Variants in PHLPP1 observed in about 807,000 individuals in gnomAD.
PHLPP1 encodes the protein PH domain leucine-rich repeat-containing protein phosphatase 1.
Under a neutral mutation model 117.2 loss-of-function variants are expected in PHLPP1, and 42 were observed. The ratio of observed to expected loss-of-function variants is 0.36; its 90% confidence interval spans 0.28 to 0.46. The LOEUF (loss-of-function observed/expected upper bound fraction) is 0.46, where lower values mean the gene tolerates loss of function less well. Ranked by LOEUF, PHLPP1 falls within the 20% of genes least tolerant of loss-of-function variation. PHLPP1 has a pLI of 1.00. For synonymous variants in PHLPP1, 1,042 were observed against 970.7 expected (o/e 1.07, Z -1.37); for missense variants, 2,084 against 2,241.9 (o/e 0.93, Z 1.42).
intron 4 of PHLPP1, among the ~76,000 whole-genome samples, chr18:62,887,190 AGAG>A (rs1256150078): frequency 2.0e-5 from 3 of 152,214 alleles, no homozygotes; most frequent in African/African-American, 7.2e-5. Context: ...GTTTAATAAA[AGAG>A]GAGGAGGAGA....
chr18:62,966,346 G>A (rs916135062), intron 14 of PHLPP1, among the ~76,000 whole-genome samples: 2 of 151,526 alleles, frequency 1.3e-5, no homozygotes, highest in African/African-American at 2.4e-5. Flanking sequence ...TATATATCTG[G>A]TATGTAGCCA....
chr18:62,800,071 C>G (rs1003684243), intron 1 of PHLPP1, among the ~76,000 whole-genome samples: 1 of 152,168 alleles, frequency 6.6e-6, no homozygotes, highest in Non-Finnish European at 1.5e-5. Flanking sequence ...GACCCTTTAG[C>G]TAGAGCTGAC....
At chr18:62,800,105 C>T (rs1005794614) in intron 1 of PHLPP1, among the ~76,000 whole-genome samples, 1 of 152,196 alleles carries the variant, frequency 6.6e-6, no homozygotes, top group South Asian at 2.1e-4. Context: ...AACTTCAGAC[C>T]AGGGCACGGC....
At chr18:62,776,966 G>A (rs1912979526) in intron 1 of PHLPP1, among the ~76,000 whole-genome samples, 2 of 152,168 alleles carry the variant, frequency 1.3e-5, no homozygotes, top group East Asian at 1.9e-4. Flanking sequence ...TTCTCCTATT[G>A]ATGGACACTT....
chr18:62,850,033 A>G (rs1214456928), intron 3 of PHLPP1, among the ~76,000 whole-genome samples: 2 of 150,368 alleles, frequency 1.3e-5, no homozygotes, highest in African/African-American at 4.9e-5. Flanking sequence ...TGTATTAAAC[A>G]TACTGAACCT....
intron 9 of PHLPP1, among the ~76,000 whole-genome samples, chr18:62,918,205 CAAAAAAAAAA>C (rs11317555): frequency 1.2e-5 from 1 of 80,624 alleles, no homozygotes; most frequent in South Asian, 4.4e-4. Flanking sequence ...GACTCTGTCT[CAAAAAAAAAA>C]AAAAAAAAAA....
rs1911241527 is a variant in PHLPP1, at chr18:62,978,022, C to A, written c.3985-240C>A. On this transcript the variant is annotated intron_variant, in intron 16 of 16. Transcript: ENST00000262719. The surrounding 1 kb of genome is among the most constrained non-coding windows in gnomAD (Gnocchi z 7.0). ...AATGGGGTCCCAGTAACACACATAA[C>A]CGAAATCTTTTCCTTTTGTCCCTAC... 6.6e-6 allele frequency among the ~76,000 whole-genome samples: 1 copy of A among 152,172 alleles called. No homozygotes were observed. Among genetic ancestry groups the A allele is most frequent in the Non-Finnish European group, 1.5e-5 (1 of 68,014 alleles).
At chr18:62,896,039 T>C in intron 6 of PHLPP1, 28 bp downstream of exon 6, 1 of 1,396,116 alleles carries the variant, frequency 7.2e-7, no homozygotes. Flanking sequence ...ATAGATCTCA[T>C]TTGAGTGGCT....
chr18:62,893,197 A>G (rs1484831837), intron 4 of PHLPP1, among the ~76,000 whole-genome samples: 1 of 152,008 alleles, frequency 6.6e-6, no homozygotes, highest in Non-Finnish European at 1.5e-5. Flanking sequence ...GCCCACCAAC[A>G]TGGCTGGCTA....
At position 62,830,230 on chromosome 18, in the gene PHLPP1, A is replaced by G; in HGVS notation, c.1772A>G (p.Lys591Arg). The change falls in exon 2 of 17, where the codon AAA (lysine) becomes AGA (arginine). Residue 591 changes from lysine to arginine, a missense_variant and splice_region_variant. This residue lies in a region of PHLPP1 where 1,365 missense variants were observed against 1,605.9 expected (regional missense o/e 0.85). Coordinates refer to ENST00000262719, the MANE Select transcript of PHLPP1 (RefSeq NM_194449.4). Reference sequence around the variant, plus strand: ...CATGTTCTGCCACTAATTGGTGGAAAAGTAAGTTTGTTTGTTTGTTTGTTT... The same window carrying G: ...CATGTTCTGCCACTAATTGGTGGAAGAGTAAGTTTGTTTGTTTGTTTGTTT... ...KMHVLPLIGG[K>R]VEEVKKHQHC... 1 of 1,551,730 alleles carries G rather than the reference A, an allele frequency of 6.4e-7. No homozygotes were observed. Among genetic ancestry groups the G allele is most frequent in the African/African-American group, 1.4e-5 (1 of 73,192 alleles).
At chr18:62,735,414 A>G (rs1446509949) in intron 1 of PHLPP1, among the ~76,000 whole-genome samples, 1 of 152,074 alleles carries the variant, frequency 6.6e-6, no homozygotes, top group Admixed American at 6.6e-5. Context: ...ACCACACAGA[A>G]GTTCATTTCT....
chr18:62,755,619 A>G (rs1408221471), intron 1 of PHLPP1, among the ~76,000 whole-genome samples: 1 of 152,184 alleles, frequency 6.6e-6, no homozygotes, highest in Non-Finnish European at 1.5e-5. Context: ...ATGAGCTAGG[A>G]ATCTGACCCT....
At chr18:62,764,907 C>G (rs1387702186) in intron 1 of PHLPP1, among the ~76,000 whole-genome samples, 1 of 152,194 alleles carries the variant, frequency 6.6e-6, no homozygotes, top group Non-Finnish European at 1.5e-5. Flanking sequence ...TCTCTCTTCC[C>G]TTGGCTACTA....
chr18:62,787,845 T>G (rs1357811038), intron 1 of PHLPP1, among the ~76,000 whole-genome samples: 1 of 152,222 alleles, frequency 6.6e-6, no homozygotes, highest in Non-Finnish European at 1.5e-5. Context: ...CATGGTGTTA[T>G]GGATTTCACC....
Position 62,975,275 on chromosome 18 carries a change from G to A in PHLPP1, c.3756-122G>A, listed in dbSNP as rs528253331. On this transcript the variant is annotated intron_variant, in intron 15 of 16. Coordinates refer to ENST00000262719, the MANE Select transcript of PHLPP1 (RefSeq NM_194449.4). ...CAGTGTGTGCTTTGATGAAGGAGGC[G>A]GAGTGGAATCCCCAGCTGTCTCCTT... 43 of 676,660 alleles carry A rather than the reference G, an allele frequency of 6.4e-5. No individual in the cohort carries two copies. In the Middle Eastern group the frequency reaches 1.7e-3, roughly 26 times the overall value. 41.9% of individuals were successfully genotyped at this position (676,660 alleles called of 1,614,324 possible). A position where few individuals can be genotyped will look rare whatever the true frequency, so the allele number is the denominator to read the frequency against.
chr18:62,840,765 CAG>C (rs1007993724), intron 3 of PHLPP1, among the ~76,000 whole-genome samples: 4 of 152,214 alleles, frequency 2.6e-5, no homozygotes, highest in African/African-American at 7.2e-5. Flanking sequence ...AAAGATAGTA[CAG>C]AGAGTTCTCA....
At chr18:62,923,740 C>G (rs1311593405) in intron 10 of PHLPP1, among the ~76,000 whole-genome samples, 1 of 151,966 alleles carries the variant, frequency 6.6e-6, no homozygotes, top group Non-Finnish European at 1.5e-5. Context: ...GGAAAATTGA[C>G]AAATATCGTG....
chr18:62,773,467 T>A (rs1033339330), intron 1 of PHLPP1, among the ~76,000 whole-genome samples: 1 of 152,268 alleles, frequency 6.6e-6, no homozygotes, highest in African/African-American at 2.4e-5. Flanking sequence ...ATGGGTGTTG[T>A]GAGAACTTTG....
chr18:62,716,883 C>G lies in PHLPP1; in HGVS notation c.1200C>G (p.Pro400=). ...VPGQPRRPGH[P]AQPLPLPQTA... The stretch of plus-strand genomic sequence containing the variant: ...GCCAGCCCCGCCGTCCCGGCCACCC[C>G]GCGCAGCCCCTCCCGCTTCCCCAGA... Residue 400 remains proline (P), a synonymous_variant, in exon 1 of 17, where the codon CCC becomes CCG. Coordinates refer to ENST00000262719, the MANE Select transcript of PHLPP1 (RefSeq NM_194449.4). This position sits in a 1 kb window ranked among gnomAD's most constrained non-coding sequence, Gnocchi z 5.7. The G allele has an allele frequency of 1.3e-6, 2 of 1,525,886 alleles. No individual in the cohort carries two copies. Among genetic ancestry groups the G allele is most frequent in the Non-Finnish European group, 1.8e-6 (2 of 1,142,520 alleles). The allele number at this position is 1,525,886 out of a possible 1,614,324, so 94.5% of individuals were successfully genotyped here.
Sources: gnomAD v4.1 joint callset for allele counts (sites outside exome capture counted in the v4.1 genomes callset) on GRCh38, gnomAD v4.1.1 for gene constraint, gnomAD v4.1.1 regional missense constraint, Gnocchi (gnomAD v3.1) non-coding constraint, MANE v1.5 for transcripts, NCBI Gene and HGNC (gene_info 2026-07-23, HGNC 2026-07-21) for gene names.